Variants in MAP3K21 observed in about 807,000 individuals in gnomAD.
MAP3K21 encodes mitogen-activated protein kinase kinase kinase MLK4.
MAP3K21 carries 63 observed loss-of-function variants against 86.1 expected under a neutral mutation model. The ratio of observed to expected loss-of-function variants is 0.73; its 90% CI spans 0.60 to 0.90. MAP3K21 has a LOEUF of 0.90. Ranked by LOEUF, MAP3K21 falls within the 40% of genes least tolerant of loss-of-function variation. MAP3K21 has a pLI of 0.00. For synonymous variants in MAP3K21, 558 were observed against 564.8 expected (o/e 0.99, Z 0.17); for missense variants, 1,220 against 1,367.7 (o/e 0.89, Z 1.70).
intron 5 of MAP3K21, among the ~76,000 whole-genome samples, chr1:233,365,585 CTTAG>C (rs1428886263): frequency 6.6e-6 from 1 of 152,100 alleles, no homozygotes; most frequent in Non-Finnish European, 1.5e-5. Context: ...GCTAGCTCAC[CTTAG>C]TTAGAATGGC....
At chr1:233,348,059 A>G (rs1305702123) in intron 2 of MAP3K21, among the ~76,000 whole-genome samples, 2 of 152,162 alleles carry the variant, frequency 1.3e-5, no homozygotes, top group Admixed American at 1.3e-4. Flanking sequence ...GTATATTAGT[A>G]AGTTGTGTGT....
chr1:233,345,494 A>G (rs1275475129), intron 1 of MAP3K21, among the ~76,000 whole-genome samples: 1 of 151,048 alleles, frequency 6.6e-6, no homozygotes, highest in Admixed American at 6.6e-5. Flanking sequence ...AGAAAACCAA[A>G]CACTGCATAT....
chr1:233,358,623 G>T (rs1663410507), intron 4 of MAP3K21, among the ~76,000 whole-genome samples: 1 of 152,026 alleles, frequency 6.6e-6, no homozygotes, highest in Admixed American at 6.6e-5. Context: ...ATTTGGAAAT[G>T]ATGTTACTCA....
chr1:233,376,105 T>C (rs1433642000), intron 7 of MAP3K21, 39 bp downstream of exon 7: 1 of 1,535,174 alleles, frequency 6.5e-7, no homozygotes, highest in Non-Finnish European at 8.8e-7. Flanking sequence ...TTGTGTAATA[T>C]GACAAATCCA....
intron 4 of MAP3K21, among the ~76,000 whole-genome samples, chr1:233,361,131 T>C (rs1483988583): frequency 6.6e-6 from 1 of 152,250 alleles, no homozygotes; most frequent in Non-Finnish European, 1.5e-5. Flanking sequence ...GAACACTTTA[T>C]GGAAATGAAA....
At chr1:233,341,216 A>G (rs550685051) in intron 1 of MAP3K21, among the ~76,000 whole-genome samples, 2 of 152,316 alleles carry the variant, frequency 1.3e-5, no homozygotes, top group South Asian at 4.1e-4. Flanking sequence ...CATTAAAATC[A>G]GTGGTGACCA....
At chr1:233,369,857 A>C (rs1393546546) in intron 5 of MAP3K21, among the ~76,000 whole-genome samples, 1 of 152,182 alleles carries the variant, frequency 6.6e-6, no homozygotes, top group African/African-American at 2.4e-5. Flanking sequence ...CCCCTCTTCC[A>C]GGCTGTGACG....
chr1:233,382,876 T>C lies in MAP3K21; in HGVS notation c.*165T>C. ...CTCAAAAAATGTATATGATTGCTGT[T>C]AGCCATGTCTATTGTTTTTCCTCTG... is the stretch of plus-strand genomic sequence containing the variant. On this transcript the variant is annotated 3_prime_UTR_variant, in exon 10 of 10. Coordinates refer to ENST00000366624, the MANE Select transcript of MAP3K21 (RefSeq NM_032435.3). 1.7e-6 allele frequency: 1 copy of C among 598,868 alleles called. No homozygotes were observed. The highest frequency in any genetic ancestry group is 2.9e-6 in the Non-Finnish European group (1 of 347,582). 37.1% of individuals were successfully genotyped at this position (598,868 alleles called of 1,614,324 possible). A position where few individuals can be genotyped will look rare whatever the true frequency, so the allele number is the denominator to read the frequency against.
At position 233,362,310 on chromosome 1, in the gene MAP3K21, A is replaced by G; in HGVS notation, c.1552+17A>G. ...TACCTTCAGGTATGATCTTGTTTTT[A>G]TGTTTTTGAAAGATTTTTGTGTGTC... On this transcript the variant is annotated intron_variant, in intron 5 of 9. Coordinates refer to ENST00000366624, the MANE Select transcript of MAP3K21 (RefSeq NM_032435.3). The G allele has an allele frequency of 6.2e-7, 1 of 1,609,706 alleles. No individual in the cohort carries two copies. The highest frequency in any genetic ancestry group is 8.5e-7 in the Non-Finnish European group (1 of 1,177,036).
intron 4 of MAP3K21, among the ~76,000 whole-genome samples, chr1:233,357,309 T>C (rs12747850): frequency 0.71 from 107,424 of 151,782 alleles, 38,671 homozygotes; most frequent in East Asian, 0.99. Context: ...ATGTAAATGA[T>C]GAGTTAATGG....
intron 1 of MAP3K21, among the ~76,000 whole-genome samples, chr1:233,342,329 TA>T (rs1428837607): frequency 1.3e-5 from 2 of 152,240 alleles, no homozygotes; most frequent in African/African-American, 2.4e-5. Flanking sequence ...AGCTGGAGAT[TA>T]TATTCCTGCC....
At chr1:233,355,245 A>G (rs544558218) in intron 4 of MAP3K21, among the ~76,000 whole-genome samples, 1 of 152,292 alleles carries the variant, frequency 6.6e-6, no homozygotes, top group South Asian at 2.1e-4. Context: ...AAAAAGAGAG[A>G]GAGAGCAAAT....
Position 233,371,749 on chromosome 1 carries a change from T to TTGTGTGTGTG in MAP3K21, c.1553-263_1553-254dup, listed in dbSNP as rs71574858. On this transcript the variant is annotated intron_variant, in intron 5 of 9. Transcript: ENST00000366624. ...TGATTCGTGGCTTTCATATTTTCCT[T>TTGTGTGTGTG]TGTGTGTGTGTGTGTGTGTGTGTGT... Among the ~76,000 whole-genome samples, 567 of 147,762 alleles carry TTGTGTGTGTG rather than the reference T, an allele frequency of 3.8e-3. 3 individuals carry two copies. Among genetic ancestry groups the TTGTGTGTGTG allele is most frequent in the African/African-American group, 0.012 (462 of 39,956 alleles).
chr1:233,351,726 C>A (rs996933893), intron 2 of MAP3K21, among the ~76,000 whole-genome samples: 1 of 150,066 alleles, frequency 6.7e-6, no homozygotes, highest in African/African-American at 2.4e-5. Context: ...TATGTATAAC[C>A]AACACTTAAG....
At chr1:233,336,267 A>T (rs889732378) in intron 1 of MAP3K21, among the ~76,000 whole-genome samples, 9 of 152,176 alleles carry the variant, frequency 5.9e-5, no homozygotes, top group Non-Finnish European at 1.0e-4. Flanking sequence ...AAGGCTGCGT[A>T]TGGTGGCTCA....
rs1662741812 is a variant in MAP3K21 at position 233,328,514 on chromosome 1, G to A, written c.486G>A (p.Ala162=). ...AARQDPEQDA[A]AAAESVRREA... ...GCCAGGACCCGGAGCAGGACGCGGCGGCGGCTGCCGAGAGCGTGCGGCGCG... is the reference window on the plus strand; with the variant it reads ...GCCAGGACCCGGAGCAGGACGCGGCAGCGGCTGCCGAGAGCGTGCGGCGCG... The change falls in exon 1 of 10, where the codon GCG becomes GCA. Residue 162 remains alanine, a synonymous_variant. Coordinates refer to ENST00000366624, the MANE Select transcript of MAP3K21 (RefSeq NM_032435.3). The surrounding 1 kb of genome is among the most constrained non-coding windows in gnomAD (Gnocchi z 8.7). 2.0e-6 allele frequency: 3 copies of A among 1,526,460 alleles called. No homozygotes were observed. Among genetic ancestry groups the A allele is most frequent in the South Asian group, 1.2e-5 (1 of 82,762 alleles). The allele number at this position is 1,526,460 out of a possible 1,614,324, so 94.6% of individuals were successfully genotyped here. A position where few individuals can be genotyped will look rare whatever the true frequency, so the allele number is the denominator to read the frequency against.
intron 1 of MAP3K21, among the ~76,000 whole-genome samples, chr1:233,340,282 A>G (rs1464923171): frequency 6.6e-6 from 1 of 152,172 alleles, no homozygotes; most frequent in Non-Finnish European, 1.5e-5. Context: ...CTGGACTAAG[A>G]GCTCAGTGCT....
intron 7 of MAP3K21, 63 bp from the exon 8 acceptor site, chr1:233,376,367 C>G (rs968933896): frequency 1.5e-5 from 18 of 1,230,128 alleles, no homozygotes; most frequent in Middle Eastern, 1.9e-4. Flanking sequence ...TCTGTATCCA[C>G]CAAAACCTAA....
At position 233,346,572 on chromosome 1, in the gene MAP3K21, C is replaced by G. The variant is rs574287972; in HGVS notation, c.936C>G (p.Ala312=). The G allele has an allele frequency of 1.9e-6, 3 of 1,613,826 alleles. No homozygotes were observed. In the African/African-American group the frequency reaches 4.0e-5, roughly 22 times the overall value. ...MSTAGTYAWM[A]PEVIKSSLFS... is the part of the protein sequence containing the mutation. The stretch of plus-strand genomic sequence containing the variant: ...CAGCAGGCACCTATGCCTGGATGGC[C>G]CCCGAAGTGATCAAGTCTTCCTTGT... The change falls in exon 2 of 10, where the codon GCC becomes GCG. Residue 312 remains alanine (A), a synonymous_variant. Transcript: ENST00000366624.
Sources: gnomAD v4.1 joint callset for allele counts (sites outside exome capture counted in the v4.1 genomes callset) on GRCh38, gnomAD v4.1.1 for gene constraint, Gnocchi (gnomAD v3.1) non-coding constraint, MANE v1.5 for transcripts, NCBI Gene and HGNC (gene_info 2026-07-23, HGNC 2026-07-21) for gene names.